TUSC3: variants seen among roughly 807,000 people sequenced by gnomAD.
The protein encoded by TUSC3 is tumor suppressor candidate 3, also known as dolichyl-diphosphooligosaccharide--protein glycosyltransferase subunit TUSC3.
In TUSC3, 45 loss-of-function variants were observed where a neutral mutation model predicts 44.8. That is an observed-to-expected ratio of 1.00 (90% CI 0.79 to 1.29). TUSC3 has a LOEUF of 1.29. TUSC3 is among the 50% of genes most tolerant of loss of function. The pLI, the probability that TUSC3 is intolerant of heterozygous loss-of-function variation, is 0.00. For synonymous variants in TUSC3, 212 were observed against 152.9 expected, an observed-to-expected ratio of 1.39 and a Z score of -2.85; for missense variants, 519 against 437.9, an observed-to-expected ratio of 1.19 and a Z score of -1.65.
the TUSC3 span, among the ~76,000 whole-genome samples, chr8:15,805,864 T>C: frequency 6.6e-5 from 10 of 152,228 alleles, no homozygotes; most frequent in East Asian, 1.7e-3. Context: ...CTAGATTTTT[T>C]TGGAATAGTT....
intron 6 of TUSC3, among the ~76,000 whole-genome samples, chr8:15,712,445 C>G (rs920593269): frequency 6.6e-6 from 1 of 152,036 alleles, no homozygotes; most frequent in South Asian, 2.1e-4. Context: ...AAATTCACAT[C>G]GAGTTTAACT....
intron 6 of TUSC3, among the ~76,000 whole-genome samples, chr8:15,700,735 T>C (rs1809358616): frequency 6.6e-6 from 1 of 152,068 alleles, no homozygotes; most frequent in Non-Finnish European, 1.5e-5. Context: ...AGAGTGGTGT[T>C]GGGTACCTAA....
chr8:15,730,049 G>A (rs987586860), intron 6 of TUSC3, among the ~76,000 whole-genome samples: 5 of 151,932 alleles, frequency 3.3e-5, no homozygotes, highest in East Asian at 1.9e-4. Context: ...ACTGATATTC[G>A]TAAGAGAGAT....
downstream of TUSC3, among the ~76,000 whole-genome samples, chr8:15,769,300 T>G (rs1267986663): frequency 6.6e-6 from 1 of 152,152 alleles, no homozygotes; most frequent in Non-Finnish European, 1.5e-5. Flanking sequence ...CATCTGATCT[T>G]TCACAAACTT....
At chr8:15,838,090 G>A in the TUSC3 span, among the ~76,000 whole-genome samples, 1 of 152,150 alleles carries the variant, frequency 6.6e-6, no homozygotes, top group African/African-American at 2.4e-5. Flanking sequence ...TCTCCCTCCA[G>A]TTGTATCAAT....
At chr8:15,738,775 A>G (rs1182063959) in intron 7 of TUSC3, among the ~76,000 whole-genome samples, 1 of 150,974 alleles carries the variant, frequency 6.6e-6, no homozygotes, top group Non-Finnish European at 1.5e-5. Flanking sequence ...TTATACAAAC[A>G]TATACATCTT....
intron 7 of TUSC3, among the ~76,000 whole-genome samples, chr8:15,733,854 C>G (rs1238816903): frequency 6.6e-6 from 1 of 152,054 alleles, no homozygotes; most frequent in East Asian, 1.9e-4. Context: ...CCAGCCTGGG[C>G]AACAGTAGGG....
At chr8:15,613,917 A>G (rs1472563262) in intron 1 of TUSC3, among the ~76,000 whole-genome samples, 2 of 152,066 alleles carry the variant, frequency 1.3e-5, no homozygotes, top group Admixed American at 6.6e-5. Flanking sequence ...AGTTTGAATT[A>G]GGCCTTTGAG....
intron 2 of TUSC3, among the ~76,000 whole-genome samples, chr8:15,515,311 C>G (rs920871662): frequency 6.6e-6 from 1 of 152,098 alleles, no homozygotes; most frequent in Non-Finnish European, 1.5e-5. Flanking sequence ...CACAACAATA[C>G]TACCAAAATT....
the TUSC3 span, among the ~76,000 whole-genome samples, chr8:15,834,510 T>C: frequency 6.6e-6 from 1 of 152,210 alleles, no homozygotes; most frequent in Non-Finnish European, 1.5e-5. Flanking sequence ...TTCAACATTA[T>C]CTATTGCAAG....
In TUSC3 at chr8:15,743,525, A is replaced by G; in HGVS notation, c.863-13A>G. 6.2e-7 allele frequency: 1 copy of G among 1,613,812 alleles called. No individual in the cohort carries two copies. Among genetic ancestry groups the G allele is most frequent in the South Asian group, 1.1e-5 (1 of 91,080 alleles). On this transcript the variant is annotated splice_polypyrimidine_tract_variant and intron_variant, in intron 7 of 10. Transcript: ENST00000503731. ...CACATCTATGTCTACGGCTTCCTTG[A>G]CAACTACTGCAGATGCCGCTATCAC...
At chr8:15,605,533 A>T (rs538873893) in intron 1 of TUSC3, among the ~76,000 whole-genome samples, 24 of 152,074 alleles carry the variant, frequency 1.6e-4, no homozygotes, top group African/African-American at 5.8e-4. Flanking sequence ...TTTCAAATCA[A>T]TATATTGGAA....
At chr8:15,504,619 A>T (rs1359448569) in intron 2 of TUSC3, among the ~76,000 whole-genome samples, 89 of 16,346 alleles carry the variant, frequency 5.4e-3, no homozygotes, top group East Asian at 0.021. Flanking sequence ...ATATATATAT[A>T]TATTTTTTTT....
chr8:15,780,937 A>G, the TUSC3 span, among the ~76,000 whole-genome samples: 8 of 152,216 alleles, frequency 5.3e-5, no homozygotes, highest in African/African-American at 1.7e-4. Flanking sequence ...AGAAGAGGCT[A>G]AAGAGCAAAG....
chr8:15,505,720 G>A (rs1394639529), intron 2 of TUSC3, among the ~76,000 whole-genome samples: 2 of 152,286 alleles, frequency 1.3e-5, no homozygotes, highest in African/African-American at 2.4e-5. Flanking sequence ...CAGAATGGGA[G>A]CACTACTTTA....
chr8:15,708,907 G>A (rs147269436), intron 6 of TUSC3, among the ~76,000 whole-genome samples: 117 of 151,980 alleles, frequency 7.7e-4, no homozygotes, highest in African/African-American at 2.7e-3. Context: ...GGAGTTAGGT[G>A]CCATAAAAAG....
At chr8:15,636,415 G>T (rs1357741009) in intron 2 of TUSC3, among the ~76,000 whole-genome samples, 1 of 152,270 alleles carries the variant, frequency 6.6e-6, no homozygotes, top group African/African-American at 2.4e-5. Flanking sequence ...CACAAGGAAA[G>T]CCTGGTGGAC....
the TUSC3 span, among the ~76,000 whole-genome samples, chr8:15,833,948 G>T: frequency 6.6e-6 from 1 of 151,886 alleles, no homozygotes; most frequent in Non-Finnish European, 1.5e-5. Flanking sequence ...TTTTTCCACT[G>T]TAGTCTGAAA....
At chr8:15,641,188 T>C (rs1319043000) in intron 2 of TUSC3, among the ~76,000 whole-genome samples, 1 of 151,598 alleles carries the variant, frequency 6.6e-6, no homozygotes, top group African/African-American at 2.4e-5. Flanking sequence ...GTGAAACCCC[T>C]GTCTCTACCA....
Sources: allele counts gnomAD v4.1 joint callset (sites outside exome capture counted in the v4.1 genomes callset), GRCh38; gene constraint gnomAD v4.1.1; transcripts MANE v1.5; gene names NCBI Gene and HGNC (gene_info 2026-07-23, HGNC 2026-07-21).